NLRP12: variants seen among roughly 807,000 people sequenced by gnomAD.
NLRP12 encodes the protein NACHT, LRR and PYD domains-containing protein 12.
A neutral mutation model predicts 91.2 loss-of-function variants in NLRP12; 108 were observed. That is an observed-to-expected ratio of 1.18 (90% confidence interval 1.01 to 1.39). The LOEUF is 1.39. NLRP12 is among the 40% of genes most tolerant of loss of function. NLRP12 has a pLI of 0.00. For synonymous variants in NLRP12, 613 were observed against 566.7 expected (o/e 1.08, Z -1.16); for missense variants, 1,530 against 1,352.7 (o/e 1.13, Z -2.06).
intron 1 of NLRP12, 87 bp downstream of exon 1, chr19:53,823,799 T>C (rs1285676332): frequency 4.0e-6 from 6 of 1,482,034 alleles, no homozygotes; most frequent in Non-Finnish European, 5.6e-6. Context: ...ATCTGCCCTC[T>C]TCAGCCTCCC....
chr19:53,803,815 CT>C (rs2091911666), intron 6 of NLRP12, 136 bp downstream of exon 6: 4 of 800,822 alleles, frequency 5.0e-6, no homozygotes, highest in Non-Finnish European at 8.4e-6. Context: ...CTCAGATGAT[CT>C]GCCCTCTTTG....
At chr19:53,822,173 T>C (rs1056949803) in intron 1 of NLRP12, among the ~76,000 whole-genome samples, 2 of 152,128 alleles carry the variant, frequency 1.3e-5, no homozygotes, top group Non-Finnish European at 2.9e-5. Context: ...AATCTTACTC[T>C]GAATCTCAGC....
rs761571455 is a variant in NLRP12, at chr19:53,810,014, C to T, written c.1645G>A (p.Ala549Thr). The T allele has an allele frequency of 1.1e-5, 17 of 1,613,982 alleles. No individual in the cohort carries two copies. Among genetic ancestry groups the T allele is most frequent in the South Asian group, 3.3e-5 (3 of 91,084 alleles). Residue 549 changes from alanine (A) to threonine (T), a missense_variant, in exon 3 of 10, where the codon GCG becomes ACG. Physicochemically the swap from Ala to Thr is moderately conservative, Grantham distance 58 (BLOSUM62 0). Transcript: ENST00000324134. ...GCCAGGAAGCTCCTTTCAGAAAACGCGTACTCGGTCAACAGCCTGGTCACG... is the reference window on the plus strand; with the variant it reads ...GCCAGGAAGCTCCTTTCAGAAAACGTGTACTCGGTCAACAGCCTGGTCACG... ...QDVTRLLTEY[A>T]FSERSFLALT...
At position 53,809,888 on chromosome 19, in the gene NLRP12, G is replaced by A. The variant is rs997190867; in HGVS notation, c.1771C>T (p.Leu591=). 10 of 1,614,076 alleles carry A rather than the reference G, an allele frequency of 6.2e-6. 2 individuals are homozygous for A. Reference sequence around the variant, plus strand: ...GCTTTGCTTTGGATCCACTGCAACAGGTCCATCTTGATGTGCGGCGAGACC... The same window carrying A: ...GCTTTGCTTTGGATCCACTGCAACAAGTCCATCTTGATGTGCGGCGAGACC... ...WKVSPHIKMD[L]LQWIQSKAQS... is the part of the protein sequence containing the mutation. The change falls in exon 3 of 10, where the codon CTG becomes TTG. Residue 591 remains leucine, a synonymous_variant. Transcript: ENST00000324134.
Position 53,795,953 on chromosome 19 carries a change from C to G in NLRP12, c.3004G>C (p.Asp1002His), listed in dbSNP as rs144746100. ...FTLGINQTLTDLYLTNNALGD... is the reference protein window; with the variant it reads ...FTLGINQTLTHLYLTNNALGD... Reference sequence around the variant, plus strand: ...AGGGCGTTGTTGGTCAGGTAAAGGTCGGTCAAGGTCTGGTTGATCCCCAGG... The same window carrying G: ...AGGGCGTTGTTGGTCAGGTAAAGGTGGGTCAAGGTCTGGTTGATCCCCAGG... Residue 1002 changes from aspartate (D) to histidine (H), a missense_variant, in exon 9 of 10, where the codon GAC (aspartate) becomes CAC (histidine). By Grantham distance (81) the Asp-to-His change is moderately conservative. Coordinates refer to ENST00000324134, the MANE Select transcript of NLRP12 (RefSeq NM_144687.4). The G allele has an allele frequency of 1.2e-6, 2 of 1,614,000 alleles. No individual in the cohort carries two copies. The highest frequency in any genetic ancestry group is 1.7e-5 in the Admixed American group (1 of 59,964).
At chr19:53,822,753 AAG>A in intron 1 of NLRP12, among the ~76,000 whole-genome samples, 1 of 149,790 alleles carries the variant, frequency 6.7e-6, no homozygotes, top group Non-Finnish European at 1.5e-5. Flanking sequence ...AAAAAAAAAA[AAG>A]GATACCTCAT....
chr19:53,793,667 C>T (rs2091691829), downstream of NLRP12: 1 of 312,474 alleles, frequency 3.2e-6, no homozygotes, highest in South Asian at 3.0e-5. Context: ...TCACTGCAAC[C>T]TCCACCTCCC....
rs1402290966 is a variant in NLRP12 at position 53,809,771 on chromosome 19, G to A, written c.1888C>T (p.Leu630=). 6.2e-7 allele frequency: 1 copy of A among 1,614,048 alleles called. No homozygotes were observed. Among genetic ancestry groups the A allele is most frequent in the Non-Finnish European group, 8.5e-7 (1 of 1,180,056 alleles). Residue 630 remains leucine, a synonymous_variant, in exon 3 of 10, where the codon CTG becomes TTG. Transcript: ENST00000324134. ...IQEEEFIQQA[L]SHFQVIVVSN... is the part of the protein sequence containing the mutation. ...ACCACGATCACCTGGAAGTGGCTCA[G>A]GGCCTGCTGGATAAACTCCTCCTCC...
rs2042293 is a variant in NLRP12 at position 53,795,653 on chromosome 19, T to C, written c.3098+206A>G. On this transcript the variant is annotated intron_variant, in intron 9 of 9. Coordinates refer to ENST00000324134, the MANE Select transcript of NLRP12 (RefSeq NM_144687.4). ...CCTCCCAAAGTGCTGGGATTATAGGTGTGAGCCACCGCGCCCGGCCTCAGA... is the reference window on the plus strand; with the variant it reads ...CCTCCCAAAGTGCTGGGATTATAGGCGTGAGCCACCGCGCCCGGCCTCAGA... 0.54 allele frequency among the ~76,000 whole-genome samples: 82,338 copies of C among 151,458 alleles called. 22,704 individuals are homozygous for C. The highest frequency in any genetic ancestry group is 0.62 in the South Asian group (2,981 of 4,804).
In NLRP12 at chr19:53,824,184, G is replaced by A. The variant is rs577347120; in HGVS notation, c.-10C>T. 3.5e-5 allele frequency: 56 copies of A among 1,613,492 alleles called. No individual in the cohort carries two copies. The South Asian group carries it at 5.4e-4, about 16-fold the overall frequency. On this transcript the variant is annotated 5_prime_UTR_variant, in exon 1 of 10. The change creates a new upstream start codon in the 5' untranslated region. Transcript: ENST00000324134. ...CTGCGGTTCGTAGCATGGGGGTGCCGTGAGCCCCAAAGGAGAGGACCTGGA... is the reference window on the plus strand; with the variant it reads ...CTGCGGTTCGTAGCATGGGGGTGCCATGAGCCCCAAAGGAGAGGACCTGGA...
intron 1 of NLRP12, among the ~76,000 whole-genome samples, chr19:53,815,936 T>A (rs918104415): frequency 2.1e-5 from 3 of 144,328 alleles, no homozygotes; most frequent in Non-Finnish European, 4.6e-5. Context: ...ATATTTTAAT[T>A]TTTTTTTTTT....
intron 1 of NLRP12, among the ~76,000 whole-genome samples, chr19:53,823,340 A>ATAATATATACCATATT (rs1241489149): frequency 1.5e-5 from 2 of 137,508 alleles, no homozygotes; most frequent in African/African-American, 5.4e-5. Flanking sequence ...ATATTTATAT[A>ATAATATATACCATATT]TAATATATAC....
chr19:53,809,816 TGAA>T lies in NLRP12; in HGVS notation c.1840_1842del (p.Phe614del). ...TCCTCCTGGATCTCGTACAAGCAGCTGAAGAACTCCAAGGAGCCCTGCTGCAGG... is the reference window on the plus strand; with the variant it reads ...TCCTCCTGGATCTCGTACAAGCAGCTGAACTCCAAGGAGCCCTGCTGCAGG... On this transcript the variant is annotated inframe_deletion, in exon 3 of 10. Coordinates refer to ENST00000324134, the MANE Select transcript of NLRP12 (RefSeq NM_144687.4). The T allele has an allele frequency of 6.2e-7, 1 of 1,614,134 alleles. No homozygotes were observed. The highest frequency in any genetic ancestry group is 8.5e-7 in the Non-Finnish European group (1 of 1,179,998).
rs563974183 is a variant in NLRP12, at chr19:53,811,121, C to T, written c.538G>A (p.Gly180Ser). 2.0e-5 allele frequency: 33 copies of T among 1,614,116 alleles called. No individual in the cohort carries two copies. In the South Asian group the frequency reaches 2.6e-4, roughly 13 times the overall value. ...CCCACGGTCCTCGCGTGTCCCCGGC[C>T]TGTGTCCAGAAGCTGCTGCTGGACC... The part of the protein sequence containing the change: ...MQVQQQLLDT[G>S]RGHARTVGHQ... Residue 180 changes from glycine (G) to serine (S), a missense_variant, in exon 3 of 10, where the codon GGC becomes AGC. Coordinates refer to ENST00000324134, the MANE Select transcript of NLRP12 (RefSeq NM_144687.4).
intron 3 of NLRP12, chr19:53,808,619 G>C (rs374794370): frequency 6.6e-6 from 1 of 152,170 alleles, no homozygotes; most frequent in Non-Finnish European, 1.5e-5. Context: ...GCTGAGACAC[G>C]CAAGGTGGAG....
chr19:53,819,084 T>C (rs2092207246), intron 1 of NLRP12, among the ~76,000 whole-genome samples: 1 of 152,066 alleles, frequency 6.6e-6, no homozygotes, highest in Non-Finnish European at 1.5e-5. Context: ...TGGTTATGCA[T>C]TGTCAATGCT....
chr19:53,800,592 T>A (rs867663063), intron 7 of NLRP12, among the ~76,000 whole-genome samples: 1,873 of 152,006 alleles, frequency 0.012, 44 homozygotes, highest in African/African-American at 0.044. Flanking sequence ...CCCCCCTTTT[T>A]TTTTTTTGAG....
Position 53,801,221 on chromosome 19 carries a change from A to G in NLRP12, c.2756+6T>C, listed in dbSNP as rs199476245. The G allele has an allele frequency of 3.4e-5, 55 of 1,613,112 alleles. No homozygotes were observed. The highest frequency in any genetic ancestry group is 4.2e-5 in the Non-Finnish European group (50 of 1,179,624). ...CTCCTAGCGTGGTGAGCAAAACGGG[A>G]CTCACCGCAGGGTCTGGAGCTTGCA... On this transcript the variant is annotated splice_donor_region_variant and intron_variant, in intron 7 of 9. Coordinates refer to ENST00000324134, the MANE Select transcript of NLRP12 (RefSeq NM_144687.4).
chr19:53,823,524 A>AAAATATATAT (rs1599877760), intron 1 of NLRP12, among the ~76,000 whole-genome samples: 1 of 15,448 alleles, frequency 6.5e-5, no homozygotes, highest in Non-Finnish European at 1.7e-4. Flanking sequence ...TAAAACATAT[A>AAAATATATAT]TTTTAAATAT....
Sources: allele counts gnomAD v4.1 joint callset (sites outside exome capture counted in the v4.1 genomes callset), GRCh38; gene constraint gnomAD v4.1.1; transcripts MANE v1.5; gene names NCBI Gene and HGNC (gene_info 2026-07-23, HGNC 2026-07-21).